The following HMCN1 variants were observed in gnomAD, a reference collection of about 807,000 sequenced individuals.
The protein encoded by HMCN1 is hemicentin 1.
HMCN1 carries 321 observed loss-of-function variants against 625.9 expected under a neutral mutation model. The observed-to-expected ratio is 0.51, with a 90% confidence interval of 0.47 to 0.56. The LOEUF (loss-of-function observed/expected upper bound fraction) is 0.56. HMCN1 is among the 20% of genes least tolerant of loss of function. The pLI is 0.00. For missense variants in HMCN1, 6,588 were observed against 6,887.3 expected (o/e 0.96, Z 1.54); for synonymous variants, 2,425 against 2,417.6 (o/e 1.00, Z -0.09).
rs1214883249 is a variant in HMCN1, at chr1:185,865,866, C to G, written c.621+3C>G. 8.1e-6 allele frequency: 13 copies of G among 1,613,062 alleles called. No individual in the cohort carries two copies. Among genetic ancestry groups the G allele is most frequent in the South Asian group, 1.1e-5 (1 of 91,026 alleles). On this transcript the variant is annotated splice_donor_region_variant and intron_variant, in intron 4 of 106. Coordinates refer to ENST00000271588, the MANE Select transcript of HMCN1 (RefSeq NM_031935.3). ...TGGACAAAAAACAAGTTAATGAGGT[C>G]AGTTTAATAAAGGGAGTCTACTTTA...
intron 1 of HMCN1, among the ~76,000 whole-genome samples, chr1:185,749,840 A>T (rs1360519453): frequency 6.6e-6 from 1 of 152,156 alleles, no homozygotes; most frequent in Non-Finnish European, 1.5e-5. Flanking sequence ...CACTTTAAGC[A>T]TATTGGCCTC....
chr1:185,907,171 A>C (rs1189574154), intron 4 of HMCN1, among the ~76,000 whole-genome samples: 6 of 151,904 alleles, frequency 3.9e-5, no homozygotes, highest in Admixed American at 6.6e-5. Flanking sequence ...TTTTTCAAAA[A>C]TGGCATCTGC....
chr1:186,026,680 T>G (rs1299852190), intron 36 of HMCN1, among the ~76,000 whole-genome samples: 1 of 151,828 alleles, frequency 6.6e-6, no homozygotes, highest in Non-Finnish European at 1.5e-5. Flanking sequence ...GTCACCCAAG[T>G]TGGAGTGCAG....
intron 91 of HMCN1, 107 bp downstream of exon 91, chr1:186,144,810 T>C: frequency 7.6e-7 from 1 of 1,312,670 alleles, no homozygotes; most frequent in Admixed American, 1.8e-5. Context: ...CAACCTTTGG[T>C]TTAGGATGTC....
At chr1:186,189,229 G>GA (rs1278234736) in intron 106 of HMCN1, among the ~76,000 whole-genome samples, 1 of 152,074 alleles carries the variant, frequency 6.6e-6, no homozygotes, top group Non-Finnish European at 1.5e-5. Context: ...TCATTTTAAA[G>GA]AAAATACTCT....
chr1:185,864,740 C>T (rs1663076255), intron 3 of HMCN1, 112 bp downstream of exon 3: 1 of 949,244 alleles, frequency 1.1e-6, no homozygotes, highest in Non-Finnish European at 1.7e-6. Context: ...AACTATCTAT[C>T]CACATGTATG....
At chr1:185,829,032 A>G (rs1313108020) in intron 1 of HMCN1, among the ~76,000 whole-genome samples, 1 of 152,152 alleles carries the variant, frequency 6.6e-6, no homozygotes, top group Non-Finnish European at 1.5e-5. Context: ...ATTAGTTAAT[A>G]AAATAAAATG....
chr1:185,952,184 C>A (rs1268558428), intron 11 of HMCN1, among the ~76,000 whole-genome samples: 2 of 151,814 alleles, frequency 1.3e-5, no homozygotes, highest in Non-Finnish European at 2.9e-5. Flanking sequence ...ATGCCTTTAG[C>A]TCCAGCCACC....
intron 29 of HMCN1, among the ~76,000 whole-genome samples, chr1:186,005,239 A>T (rs1391584167): frequency 3.9e-5 from 5 of 126,790 alleles, no homozygotes; most frequent in African/African-American, 1.4e-4. Context: ...TTAATTGTTT[A>T]TAAACGTTTA....
chr1:185,953,830 C>T (rs1457300749), intron 11 of HMCN1, among the ~76,000 whole-genome samples: 1 of 151,592 alleles, frequency 6.6e-6, no homozygotes, highest in Non-Finnish European at 1.5e-5. Context: ...GTTTATTTCA[C>T]CTGGGTGCAG....
intron 1 of HMCN1, among the ~76,000 whole-genome samples, chr1:185,786,605 C>G (rs1221962132): frequency 2.6e-5 from 4 of 152,198 alleles, no homozygotes; most frequent in Non-Finnish European, 4.4e-5. Context: ...CTGTGCAAAC[C>G]TTTACTAGCT....
intron 68 of HMCN1, among the ~76,000 whole-genome samples, chr1:186,102,527 G>A (rs936750735): frequency 6.6e-6 from 1 of 152,058 alleles, no homozygotes; most frequent in South Asian, 2.1e-4. Context: ...ATCCTATTAG[G>A]TAAATAATGT....
chr1:185,938,154 A>G (rs934859967), intron 11 of HMCN1, among the ~76,000 whole-genome samples: 1 of 152,118 alleles, frequency 6.6e-6, no homozygotes, highest in African/African-American at 2.4e-5. Context: ...TCTAAAATTT[A>G]TAGGAGTTTA....
rs745987992 is a variant in HMCN1 at position 186,082,983 on chromosome 1, C to T, written c.8884+22C>T. ...CATGGTAAGAGCTCAGTTCCAAAAC[C>T]ATCTGTTAGGGTATGCTTGGAAAAG... On this transcript the variant is annotated intron_variant, in intron 57 of 106. Transcript: ENST00000271588. 7.0e-6 allele frequency: 10 copies of T among 1,421,672 alleles called. No homozygotes were observed. The East Asian group carries it at 2.1e-4, about 30-fold the overall frequency. The allele number at this position is 1,421,672 out of a possible 1,614,324, so 88.1% of individuals were successfully genotyped here. A position where few individuals can be genotyped will look rare whatever the true frequency, so the allele number is the denominator to read the frequency against.
In HMCN1 at chr1:185,845,423, G is replaced by T. The variant is rs185482573; in HGVS notation, c.269-603G>T. Among the ~76,000 whole-genome samples, 1,172 of 152,200 alleles carry T rather than the reference G, an allele frequency of 7.7e-3. 15 individuals are homozygous for T. The highest frequency in any genetic ancestry group is 0.027 in the African/African-American group (1,118 of 41,528). On this transcript the variant is annotated intron_variant, in intron 1 of 106. Coordinates refer to ENST00000271588, the MANE Select transcript of HMCN1 (RefSeq NM_031935.3). ...TTTAGTAGAGACGGGGTTTCACCAT[G>T]TTGGTCAGGCTGGTCTCGAACTCCT... is the stretch of plus-strand genomic sequence containing the variant.
At chr1:186,098,201 A>G (rs1218319379) in intron 68 of HMCN1, among the ~76,000 whole-genome samples, 1 of 152,132 alleles carries the variant, frequency 6.6e-6, no homozygotes, top group African/African-American at 2.4e-5. Flanking sequence ...AAATAGACAA[A>G]TGGTATTATA....
In HMCN1 at chr1:186,166,913, G is replaced by C. The variant is rs148826584; in HGVS notation, c.15545G>C (p.Arg5182Pro). The C allele has an allele frequency of 1.9e-6, 3 of 1,614,112 alleles. No homozygotes were observed. The highest frequency in any genetic ancestry group is 2.5e-6 in the Non-Finnish European group (3 of 1,179,990). ...GTGGTCCGTTGTGGAAGTGGCTTTC[G>C]AAGAACCTCTGATGGGCTGAGTTGT... is the stretch of plus-strand genomic sequence containing the variant. ...RCVVRCGSGF[R>P]RTSDGLSCQD... The change falls in exon 100 of 107, where the codon CGA (arginine) becomes CCA (proline). Residue 5182 changes from arginine to proline, a missense_variant. Transcript: ENST00000271588.
intron 89 of HMCN1, among the ~76,000 whole-genome samples, chr1:186,141,111 C>T (rs1349395067): frequency 6.6e-6 from 1 of 152,176 alleles, no homozygotes; most frequent in Non-Finnish European, 1.5e-5. Context: ...GAGCACACAA[C>T]ATAGATCCCT....
rs753619725 is a variant in HMCN1, at chr1:186,065,369, A to G, written c.7645A>G (p.Thr2549Ala). 1 of 1,611,780 alleles carries G rather than the reference A, an allele frequency of 6.2e-7. No homozygotes were observed. Among genetic ancestry groups the G allele is most frequent in the Non-Finnish European group, 8.5e-7 (1 of 1,179,656 alleles). ...CCAGGTGCCACACACTGGAAGATAT[A>G]CATGTTTGGCTTCCAGTCCAGCTGG... Reference protein sequence around the residue: ...NVQVPHTGRYTCLASSPAGHK... With the variant: ...NVQVPHTGRYACLASSPAGHK... Residue 2549 changes from threonine to alanine, a missense_variant, in exon 49 of 107, where the codon ACA (threonine) becomes GCA (alanine). Transcript: ENST00000271588.
Sources: allele counts gnomAD v4.1 joint callset (sites outside exome capture counted in the v4.1 genomes callset), GRCh38; gene constraint gnomAD v4.1.1; transcripts MANE v1.5; gene names NCBI Gene and HGNC (gene_info 2026-07-23, HGNC 2026-07-21).